The following SSBP2 variants were observed in gnomAD, a reference collection of about 807,000 sequenced individuals.
SSBP2 encodes the protein single stranded DNA binding protein 2.
In SSBP2, 17 loss-of-function variants were observed where a neutral mutation model predicts 61.8. The ratio of observed to expected loss-of-function variants is 0.28; its 90% confidence interval spans 0.19 to 0.41. The LOEUF (loss-of-function observed/expected upper bound fraction) is 0.41, where lower values mean the gene tolerates loss of function less well. Among genes scored for constraint, SSBP2 ranks in the 10% least tolerant of loss-of-function variants. The probability of loss-of-function intolerance (pLI) is 1.00; values close to 1 mark genes in which losing one functional copy is unlikely to be tolerated. For synonymous variants in SSBP2, 139 were observed against 141.3 expected (o/e 0.98, Z 0.12); for missense variants, 310 against 458.7 (o/e 0.68, Z 2.96).
At chr5:81,458,329 A>G (rs1373984054) in intron 10 of SSBP2, among the ~76,000 whole-genome samples, 4 of 152,192 alleles carry the variant, frequency 2.6e-5, no homozygotes, top group Non-Finnish European at 5.9e-5. Flanking sequence ...CTGGGGTTAT[A>G]AAAAAATTAT....
rs1761494914 is a variant in SSBP2 at position 81,419,973 on chromosome 5, T to A, written c.*531A>T. Reference sequence around the variant, plus strand: ...AAATAAGCGATTTTATTCCTATCCATGATTGCAGACATTTACAAAACCATA... The same window carrying A: ...AAATAAGCGATTTTATTCCTATCCAAGATTGCAGACATTTACAAAACCATA... On this transcript the variant is annotated 3_prime_UTR_variant, in exon 17 of 17. Coordinates refer to ENST00000320672, the MANE Select transcript of SSBP2 (RefSeq NM_012446.5). 2 of 152,594 alleles carry A rather than the reference T, an allele frequency of 1.3e-5. No individual in the cohort carries two copies. The highest frequency in any genetic ancestry group is 4.1e-4 in the South Asian group (2 of 4,832). The allele number at this position is 152,594 out of a possible 1,614,324, so 9.5% of individuals were successfully genotyped here. A position where few individuals can be genotyped will look rare whatever the true frequency, so the allele number is the denominator to read the frequency against.
chr5:81,615,459 A>G lies in SSBP2; in HGVS notation c.282+14T>C, dbSNP rs1745920108. 2 of 1,596,828 alleles carry G rather than the reference A, an allele frequency of 1.3e-6. No individual in the cohort carries two copies. Among genetic ancestry groups the G allele is most frequent in the South Asian group, 2.2e-5 (2 of 90,576 alleles). ...ACTGACAGTGTAACTTTGTAAAATT[A>G]TATGTTAACTTACGTAATCATGGAA... On this transcript the variant is annotated intron_variant, in intron 4 of 16. Coordinates refer to ENST00000320672, the MANE Select transcript of SSBP2 (RefSeq NM_012446.5).
At chr5:81,648,308 T>C (rs982951228) in intron 2 of SSBP2, among the ~76,000 whole-genome samples, 1 of 152,110 alleles carries the variant, frequency 6.6e-6, no homozygotes, top group Non-Finnish European at 1.5e-5. Flanking sequence ...CACCAAATTT[T>C]TGTTTTGATT....
At chr5:81,725,189 A>C (rs1210022042) in intron 1 of SSBP2, among the ~76,000 whole-genome samples, 1 of 152,178 alleles carries the variant, frequency 6.6e-6, no homozygotes, top group African/African-American at 2.4e-5. Context: ...CACGTGAATA[A>C]GGGGAAAGAG....
At chr5:81,544,195 GAT>G (rs1304033650) in intron 4 of SSBP2, among the ~76,000 whole-genome samples, 3 of 151,934 alleles carry the variant, frequency 2.0e-5, no homozygotes, top group East Asian at 1.9e-4. Flanking sequence ...GACTACAGGC[GAT>G]GCCACCACGC....
chr5:81,512,468 C>G (rs1489638894), intron 5 of SSBP2, among the ~76,000 whole-genome samples: 1 of 152,094 alleles, frequency 6.6e-6, no homozygotes, highest in Non-Finnish European at 1.5e-5. Context: ...ATCTTAAATG[C>G]TGGTGGTTTA....
At chr5:81,738,802 T>C (rs1299296757) in intron 1 of SSBP2, among the ~76,000 whole-genome samples, 1 of 152,148 alleles carries the variant, frequency 6.6e-6, no homozygotes, top group Non-Finnish European at 1.5e-5. Context: ...CTTTACTCCA[T>C]GCTCCATATG....
chr5:81,493,765 A>AT (rs1318033078), intron 5 of SSBP2, among the ~76,000 whole-genome samples: 4 of 151,522 alleles, frequency 2.6e-5, no homozygotes, highest in African/African-American at 9.7e-5. Flanking sequence ...CAAAAAAAAA[A>AT]ATAAAATAAA....
intron 10 of SSBP2, among the ~76,000 whole-genome samples, chr5:81,458,567 TAAAC>T (rs964406123): frequency 6.6e-5 from 10 of 152,290 alleles, no homozygotes; most frequent in African/African-American, 2.2e-4. Context: ...GAAAAAATAG[TAAAC>T]AAAACATATT....
intron 5 of SSBP2, among the ~76,000 whole-genome samples, chr5:81,493,815 C>T (rs1428079182): frequency 6.6e-6 from 1 of 151,926 alleles, no homozygotes; most frequent in African/African-American, 2.4e-5. Flanking sequence ...CCAGGCTGGT[C>T]TCAAACTCCT....
chr5:81,433,640 C>T (rs528172850), intron 15 of SSBP2, among the ~76,000 whole-genome samples: 7 of 151,710 alleles, frequency 4.6e-5, no homozygotes, highest in African/African-American at 1.7e-4. Context: ...CTTCTCTCTA[C>T]CCTCAACCCC....
At chr5:81,462,272 C>G (rs1335701693) in intron 9 of SSBP2, among the ~76,000 whole-genome samples, 1 of 152,192 alleles carries the variant, frequency 6.6e-6, no homozygotes, top group Non-Finnish European at 1.5e-5. Flanking sequence ...ATTTGGCCCA[C>G]AGGCCACAGG....
intron 1 of SSBP2, among the ~76,000 whole-genome samples, chr5:81,729,124 C>G (rs924408301): frequency 6.6e-6 from 1 of 151,786 alleles, no homozygotes; most frequent in Non-Finnish European, 1.5e-5. Flanking sequence ...ATTTTTCAAT[C>G]AAAAATATTA....
intron 4 of SSBP2, among the ~76,000 whole-genome samples, chr5:81,549,394 C>T (rs927934335): frequency 2.6e-5 from 4 of 152,132 alleles, no homozygotes; most frequent in Non-Finnish European, 4.4e-5. Flanking sequence ...TCTAAACATC[C>T]TATGTTTCTT....
At chr5:81,635,653 G>T (rs542650448) in intron 3 of SSBP2, among the ~76,000 whole-genome samples, 1 of 148,166 alleles carries the variant, frequency 6.7e-6, no homozygotes, top group African/African-American at 2.5e-5. Context: ...GTGCAATCTC[G>T]GCTCACTGCA....
chr5:81,624,925 A>T (rs1746987265), intron 3 of SSBP2, among the ~76,000 whole-genome samples: 1 of 152,164 alleles, frequency 6.6e-6, no homozygotes, highest in Admixed American at 6.5e-5. Context: ...TGCCCAAGAA[A>T]ATAAAAAGGT....
At chr5:81,541,480 A>C (rs991996853) in intron 4 of SSBP2, among the ~76,000 whole-genome samples, 5 of 152,034 alleles carry the variant, frequency 3.3e-5, no homozygotes, top group Admixed American at 6.5e-5. Context: ...TAAGTGAAAA[A>C]AAACAAAGCC....
chr5:81,683,741 A>C (rs1752572659), intron 1 of SSBP2, among the ~76,000 whole-genome samples: 1 of 152,208 alleles, frequency 6.6e-6, no homozygotes, highest in Admixed American at 6.5e-5. Context: ...TGTTGATCCA[A>C]AATAAGCAAA....
chr5:81,649,538 G>A (rs1749556848), intron 2 of SSBP2, among the ~76,000 whole-genome samples: 1 of 151,970 alleles, frequency 6.6e-6, no homozygotes, highest in Non-Finnish European at 1.5e-5. Flanking sequence ...ACCAAATACT[G>A]CACATTCTCA....
Sources: gnomAD v4.1 joint callset for allele counts (sites outside exome capture counted in the v4.1 genomes callset) on GRCh38, gnomAD v4.1.1 for gene constraint, MANE v1.5 for transcripts, NCBI Gene and HGNC (gene_info 2026-07-23, HGNC 2026-07-21) for gene names.